RP1: variants seen among roughly 807,000 people sequenced by gnomAD.
RP1 encodes RP1 axonemal microtubule associated, also known as oxygen-regulated protein 1.
A neutral mutation model predicts 14.8 loss-of-function variants in RP1; 16 were observed. The ratio of observed to expected loss-of-function variants is 1.08; its 90% CI spans 0.73 to 1.65. The LOEUF is 1.65. Among genes scored for constraint, RP1 ranks in the 40% most tolerant of loss-of-function variants. RP1 has a pLI of 0.00. For synonymous variants in RP1, 876 were observed against 883.6 expected (o/e 0.99, Z 0.15); for missense variants, 2,631 against 2,535.0 (o/e 1.04, Z -0.81).
intron 1 of RP1, among the ~76,000 whole-genome samples, chr8:54,587,064 A>T (rs1163375924): frequency 2.6e-5 from 4 of 152,160 alleles, no homozygotes; most frequent in African/African-American, 9.7e-5. Context: ...GAAATGCAGA[A>T]ATCACCCATC....
At chr8:54,560,195 T>C (rs1804254041) in intron 1 of RP1, 1 of 151,944 alleles carries the variant, frequency 6.6e-6, no homozygotes. Flanking sequence ...GATGTGAGGG[T>C]TGGGACCTCC....
At chr8:54,847,056 C>T (rs1029983088) in intron 25 of RP1, among the ~76,000 whole-genome samples, 1 of 152,152 alleles carries the variant, frequency 6.6e-6, no homozygotes, top group African/African-American at 2.4e-5. Context: ...AGGATGCTTC[C>T]TCAGGGCTGC....
intron 8 of RP1, chr8:54,673,969 A>G (rs1163892923): frequency 1.1e-5 from 16 of 1,424,878 alleles, no homozygotes; most frequent in Non-Finnish European, 1.5e-5. Context: ...GTCTGATTCC[A>G]TTCTGTTTAT....
intron 27 of RP1, among the ~76,000 whole-genome samples, chr8:54,859,452 G>A (rs1812289482): frequency 6.6e-6 from 1 of 151,496 alleles, no homozygotes; most frequent in African/African-American, 2.4e-5. Context: ...ACTGTAGGGT[G>A]GTGTCACTGT....
intron 26 of RP1, among the ~76,000 whole-genome samples, chr8:54,853,786 AAG>A (rs1200184091): frequency 8.4e-6 from 1 of 119,064 alleles, no homozygotes; most frequent in Admixed American, 7.7e-5. Context: ...AAGGAAGAGA[AAG>A]AAAGAGAGAG....
intron 24 of RP1, among the ~76,000 whole-genome samples, chr8:54,822,423 G>T (rs1390285735): frequency 6.6e-6 from 1 of 152,086 alleles, no homozygotes; most frequent in East Asian, 1.9e-4. Context: ...ATGAAAGAAA[G>T]AAATTAGAAA....
intron 24 of RP1, among the ~76,000 whole-genome samples, chr8:54,786,558 AC>A (rs1343992375): frequency 3.9e-5 from 6 of 151,928 alleles, no homozygotes; most frequent in South Asian, 2.1e-4. Flanking sequence ...CTTATAAGGT[AC>A]CCTTATGTTT....
chr8:54,844,696 G>A lies in RP1; in HGVS notation c.3835+7027G>A, dbSNP rs1811872200. On this transcript the variant is annotated intron_variant, in intron 25 of 28. Coordinates refer to the RP1 transcript ENST00000637698. Reference sequence around the variant, plus strand: ...CATAGATCGTTTCCCAATAAAATATGAACTATACATATTGTTAGGAGAACA... The same window carrying A: ...CATAGATCGTTTCCCAATAAAATATAAACTATACATATTGTTAGGAGAACA... Among the ~76,000 whole-genome samples the A allele has an allele frequency of 2.6e-5, 4 of 152,232 alleles. No homozygotes were observed. In the South Asian group the frequency reaches 6.2e-4, roughly 24 times the overall value.
In RP1 at chr8:54,740,403, T is replaced by TAAAAAAAAAAAAAAAAAAA. The variant is rs34753388; in HGVS notation, c.2808+1384_2808+1402dup. Among the ~76,000 whole-genome samples the TAAAAAAAAAAAAAAAAAAA allele has an allele frequency of 1.0e-4, 8 of 80,240 alleles. 1 individual carries two copies. The highest frequency in any genetic ancestry group is 3.2e-4 in the African/African-American group (7 of 21,812). 52.6% of individuals were successfully genotyped at this position (80,240 alleles called of 152,430 possible). On this transcript the variant is annotated intron_variant, in intron 19 of 22. Transcript: ENST00000636932. ...ATTTTTAACAAGAAAGCTTAAAAAG[T>TAAAAAAAAAAAAAAAAAAA]AAAAAAAAAAAAAAAAAAAAAAAAA...
rs756976191 is a variant in RP1 at position 54,727,179 on chromosome 8, C to T, written c.2521+703C>T. On this transcript the variant is annotated intron_variant, in intron 17 of 22. Coordinates refer to the RP1 transcript ENST00000636932. ...TTCTTTTAGATAGTAATATAATAGA[C>T]GTCTCTTGTTGACCATCCTAAGCTA... Among the ~76,000 whole-genome samples, 10 of 152,080 alleles carry T rather than the reference C, an allele frequency of 6.6e-5. No individual in the cohort carries two copies. In the East Asian group the frequency reaches 7.7e-4, roughly 12 times the overall value.
rs1330302236 is a variant in RP1, at chr8:54,660,748, GGGT to G, written c.1172-2950_1172-2948del. ...CAAATGCATTTTGCTGATGCCCTAT[GGGT>G]ACTTTTTAATGAAACAACTATTTTG... is the stretch of plus-strand genomic sequence containing the variant. On this transcript the variant is annotated intron_variant, in intron 6 of 22. Coordinates refer to the RP1 transcript ENST00000636932. Among the ~76,000 whole-genome samples, 4 of 152,104 alleles carry G rather than the reference GGGT, an allele frequency of 2.6e-5. No homozygotes were observed. In the East Asian group the frequency reaches 7.7e-4, roughly 29 times the overall value.
intron 22 of RP1, among the ~76,000 whole-genome samples, chr8:54,766,955 C>G (rs7845533): frequency 0.058 from 8,784 of 152,180 alleles, 781 homozygotes; most frequent in African/African-American, 0.19. Flanking sequence ...CCACACTGCT[C>G]CAATTCTCCC....
chr8:54,780,845 A>T (rs1022986585), intron 23 of RP1: 14 of 814,666 alleles, frequency 1.7e-5, no homozygotes, highest in Middle Eastern at 6.2e-4. Flanking sequence ...TGTAGGCTGA[A>T]GTTCGGAATT....
intron 24 of RP1, among the ~76,000 whole-genome samples, chr8:54,827,584 C>A (rs1270419223): frequency 6.6e-6 from 1 of 152,154 alleles, no homozygotes; most frequent in African/African-American, 2.4e-5. Flanking sequence ...CCTGCCTCAG[C>A]CTCGCAAAGT....
intron 22 of RP1, among the ~76,000 whole-genome samples, chr8:54,760,258 C>G (rs1158563498): frequency 6.6e-6 from 1 of 152,154 alleles, no homozygotes; most frequent in Non-Finnish European, 1.5e-5. Flanking sequence ...ACTACTACCT[C>G]TGCCCTGATT....
In RP1 at chr8:54,628,816, C is replaced by G. The variant is rs1806159349; in HGVS notation, c.4934C>G (p.Ser1645Cys). 3 of 1,614,096 alleles carry G rather than the reference C, an allele frequency of 1.9e-6. No individual in the cohort carries two copies. Among genetic ancestry groups the G allele is most frequent in the Non-Finnish European group, 2.5e-6 (3 of 1,179,966 alleles). The change falls in exon 4 of 4, where the codon TCT (serine) becomes TGT (cysteine). Residue 1645 changes from serine to cysteine, a missense_variant. Physicochemically the swap from Ser to Cys is moderately radical, Grantham distance 112. Coordinates refer to ENST00000220676, the MANE Select transcript of RP1 (RefSeq NM_006269.2). ...LYGKADIIKPSFFPGSTRKSQ... is the reference protein window; with the variant it reads ...LYGKADIIKPCFFPGSTRKSQ... ...GGTAAAGCAGATATTATCAAACCAT[C>G]TTTTTTTCCTGGGTCTACCCGCAAA...
intron 1 of RP1, among the ~76,000 whole-genome samples, chr8:54,594,506 C>G (rs1805097738): frequency 6.6e-6 from 1 of 152,196 alleles, no homozygotes; most frequent in Non-Finnish European, 1.5e-5. Flanking sequence ...TTGAAAAGCT[C>G]TGGAGACAAT....
chr8:54,720,702 A>T (rs1475948365), intron 16 of RP1, among the ~76,000 whole-genome samples: 1 of 152,226 alleles, frequency 6.6e-6, no homozygotes, highest in Non-Finnish European at 1.5e-5. Flanking sequence ...AAGAGATGGA[A>T]TAAAGATCAA....
chr8:54,589,323 T>C (rs544644798), intron 1 of RP1, among the ~76,000 whole-genome samples: 2 of 150,432 alleles, frequency 1.3e-5, no homozygotes, highest in East Asian at 1.9e-4. Flanking sequence ...TTTTGGATAA[T>C]TTTTTTTGGG....
Sources: gnomAD v4.1 joint callset for allele counts (sites outside exome capture counted in the v4.1 genomes callset) on GRCh38, gnomAD v4.1.1 for gene constraint, MANE v1.5 for transcripts, NCBI Gene and HGNC (gene_info 2026-07-23, HGNC 2026-07-21) for gene names.